SNTG1: variants seen among roughly 807,000 people sequenced by gnomAD.
SNTG1 encodes syntrophin gamma 1.
In SNTG1, 39 loss-of-function variants were observed where a neutral mutation model predicts 74.7. The ratio of observed to expected loss-of-function variants is 0.52; its 90% confidence interval spans 0.40 to 0.68. The LOEUF is 0.68. Ranked by LOEUF, SNTG1 falls within the 30% of genes least tolerant of loss-of-function variation. The pLI is 0.00. For synonymous variants in SNTG1, 254 were observed against 217.1 expected (o/e 1.17, Z -1.49); for missense variants, 685 against 609.5 (o/e 1.12, Z -1.30).
At chr8:50,318,980 T>G (rs1032574145) in intron 2 of SNTG1, among the ~76,000 whole-genome samples, 1 of 151,872 alleles carries the variant, frequency 6.6e-6, no homozygotes, top group African/African-American at 2.4e-5. Flanking sequence ...TATATATATA[T>G]GTATGTATAT....
intron 1 of SNTG1, among the ~76,000 whole-genome samples, chr8:50,091,057 C>T (rs1026432563): frequency 1.3e-5 from 2 of 151,866 alleles, no homozygotes; most frequent in Non-Finnish European, 2.9e-5. Context: ...TCTTACTTTC[C>T]CATGAATAGG....
intron 9 of SNTG1, among the ~76,000 whole-genome samples, chr8:50,516,844 G>C (rs2094137703): frequency 6.6e-6 from 1 of 152,190 alleles, no homozygotes; most frequent in African/African-American, 2.4e-5. Flanking sequence ...GTGAAAGGGA[G>C]AATGAAACCA....
intron 13 of SNTG1, among the ~76,000 whole-genome samples, chr8:50,601,236 T>A (rs1563632978): frequency 6.6e-6 from 1 of 151,512 alleles, no homozygotes; most frequent in Non-Finnish European, 1.5e-5. Context: ...TTTGTTTGGC[T>A]TTGTTTTTTA....
chr8:50,656,421 C>A (rs1282192724), intron 13 of SNTG1, among the ~76,000 whole-genome samples: 1 of 152,128 alleles, frequency 6.6e-6, no homozygotes. Context: ...ATTTATCATT[C>A]TCCCCTATCA....
chr8:49,954,764 C>T (rs1810013262), intron 1 of SNTG1, among the ~76,000 whole-genome samples: 1 of 152,006 alleles, frequency 6.6e-6, no homozygotes, highest in African/African-American at 2.4e-5. Context: ...TTTTTTAAAG[C>T]ATATCGACTT....
At chr8:50,229,584 G>A (rs886821838) in intron 2 of SNTG1, among the ~76,000 whole-genome samples, 1 of 151,486 alleles carries the variant, frequency 6.6e-6, no homozygotes, top group Non-Finnish European at 1.5e-5. Context: ...GTCAAAATTT[G>A]TGAGGCAAAA....
intron 13 of SNTG1, among the ~76,000 whole-genome samples, chr8:50,592,324 T>A (rs538704194): frequency 9.2e-5 from 14 of 152,222 alleles, no homozygotes; most frequent in Non-Finnish European, 1.9e-4. Flanking sequence ...ATTTTTTAAT[T>A]TAAGAATGAC....
intron 8 of SNTG1, among the ~76,000 whole-genome samples, chr8:50,456,522 C>G (rs2093507222): frequency 6.6e-6 from 1 of 152,082 alleles, no homozygotes; most frequent in Admixed American, 6.6e-5. Context: ...GGGATGAAAG[C>G]TGGGTGGGTG....
At chr8:50,717,191 T>C (rs1246889762) in intron 17 of SNTG1, among the ~76,000 whole-genome samples, 1 of 152,212 alleles carries the variant, frequency 6.6e-6, no homozygotes, top group Non-Finnish European at 1.5e-5. Flanking sequence ...CCTTAAATTT[T>C]ATGTCTTGTT....
chr8:50,572,258 TTA>T (rs778113467), intron 12 of SNTG1, among the ~76,000 whole-genome samples: 3 of 93,096 alleles, frequency 3.2e-5, no homozygotes, highest in African/African-American at 4.8e-5. Flanking sequence ...ATCACCTATT[TTA>T]TATATATATA....
intron 11 of SNTG1, among the ~76,000 whole-genome samples, chr8:50,545,226 A>G (rs919504543): frequency 5.9e-5 from 9 of 151,716 alleles, no homozygotes; most frequent in African/African-American, 1.7e-4. Context: ...TGCATATATA[A>G]ATTAAAACAT....
At chr8:50,008,451 G>T (rs1338292875) in intron 1 of SNTG1, among the ~76,000 whole-genome samples, 1 of 152,104 alleles carries the variant, frequency 6.6e-6, no homozygotes, top group Non-Finnish European at 1.5e-5. Context: ...CTTAGAAATT[G>T]GGTCTAGTCT....
chr8:49,937,989 G>GTCT (rs1396682399), intron 1 of SNTG1, among the ~76,000 whole-genome samples: 3 of 152,082 alleles, frequency 2.0e-5, no homozygotes, highest in African/African-American at 7.2e-5. Flanking sequence ...TCAGTGATCA[G>GTCT]TCTTAAATTC....
intron 1 of SNTG1, among the ~76,000 whole-genome samples, chr8:49,959,032 G>A (rs73569349): frequency 0.021 from 3,220 of 152,222 alleles, 117 homozygotes; most frequent in African/African-American, 0.071. Context: ...CAATATACAC[G>A]TTAAATTCAT....
chr8:50,501,272 C>T (rs1035429128), intron 8 of SNTG1, among the ~76,000 whole-genome samples: 5 of 151,788 alleles, frequency 3.3e-5, no homozygotes, highest in African/African-American at 7.3e-5. Context: ...GTAAGGTATC[C>T]GGCCTCTGTG....
chr8:50,716,634 A>G (rs1027439131), intron 17 of SNTG1, among the ~76,000 whole-genome samples: 4 of 152,248 alleles, frequency 2.6e-5, no homozygotes, highest in African/African-American at 9.6e-5. Flanking sequence ...AAAAAAATTT[A>G]AACAAAAAAG....
At chr8:50,279,229 T>C (rs1340093777) in intron 2 of SNTG1, among the ~76,000 whole-genome samples, 2 of 152,176 alleles carry the variant, frequency 1.3e-5, no homozygotes, top group African/African-American at 4.8e-5. Context: ...AATAAGAGTA[T>C]TGGTAAATCC....
chr8:50,059,859 A>G (rs537333299), intron 1 of SNTG1, among the ~76,000 whole-genome samples: 73 of 152,256 alleles, frequency 4.8e-4, no homozygotes, highest in Non-Finnish European at 8.7e-4. Context: ...GTATATACCT[A>G]GAAGTAAAAT....
At chr8:50,700,933 TTGTC>T (rs1050481444) in intron 15 of SNTG1, among the ~76,000 whole-genome samples, 3 of 152,248 alleles carry the variant, frequency 2.0e-5, no homozygotes, top group African/African-American at 7.2e-5. Flanking sequence ...AGAGGATGCT[TTGTC>T]TGAGAGAGAG....
Sources: gnomAD v4.1 joint callset for allele counts (sites outside exome capture counted in the v4.1 genomes callset) on GRCh38, gnomAD v4.1.1 for gene constraint, MANE v1.5 for transcripts, NCBI Gene and HGNC (gene_info 2026-07-23, HGNC 2026-07-21) for gene names.